NFKB1: variants seen among roughly 807,000 people sequenced by gnomAD.
The protein encoded by NFKB1 is nuclear factor NF-kappa-B p105 subunit.
A neutral mutation model predicts 105.1 loss-of-function variants in NFKB1; 9 were observed. That is an observed-to-expected ratio of 0.09 (90% CI 0.05 to 0.15). The LOEUF (loss-of-function observed/expected upper bound fraction) is 0.15, where lower values mean the gene tolerates loss of function less well. Among genes scored for constraint, NFKB1 ranks in the 10% least tolerant of loss-of-function variants. The pLI is 1.00. For missense variants in NFKB1, 830 were observed against 1,203.7 expected, an observed-to-expected ratio of 0.69 and a Z score of 4.59; for synonymous variants, 440 against 442.2, an observed-to-expected ratio of 1.00 and a Z score of 0.06.
intron 1 of NFKB1, among the ~76,000 whole-genome samples, chr4:102,525,110 T>C (rs538882887): frequency 6.6e-6 from 1 of 152,250 alleles, no homozygotes; most frequent in South Asian, 2.1e-4. Flanking sequence ...TCACAAGGTT[T>C]ATGAAGGGTT....
At chr4:102,558,527 T>G (rs1242689980) in intron 5 of NFKB1, among the ~76,000 whole-genome samples, 1 of 152,194 alleles carries the variant, frequency 6.6e-6, no homozygotes, top group Non-Finnish European at 1.5e-5. Flanking sequence ...CTTCCATAAA[T>G]AACATTTTAT....
chr4:102,510,916 A>T, intron 1 of NFKB1: 1 of 1,284,100 alleles, frequency 7.8e-7, no homozygotes, highest in Non-Finnish European at 1.0e-6. Context: ...AAAAAGACAG[A>T]AGCATATCTT....
intron 1 of NFKB1, among the ~76,000 whole-genome samples, chr4:102,508,520 T>C (rs1436098707): frequency 1.3e-5 from 2 of 152,100 alleles, no homozygotes; most frequent in African/African-American, 4.8e-5. Context: ...ATCTAGGAAA[T>C]AGGAAAAAAA....
intron 1 of NFKB1, among the ~76,000 whole-genome samples, chr4:102,510,592 T>C (rs892035204): frequency 4.6e-5 from 7 of 152,236 alleles, no homozygotes; most frequent in Non-Finnish European, 7.3e-5. Context: ...TATGATAATA[T>C]GAGGAACTGC....
chr4:102,530,285 A>C (rs1741201382), intron 3 of NFKB1, among the ~76,000 whole-genome samples: 1 of 152,098 alleles, frequency 6.6e-6, no homozygotes, highest in African/African-American at 2.4e-5. Flanking sequence ...GTTGTGTACT[A>C]CCAGTGTGCC....
At chr4:102,586,594 A>T (rs1442726710) in intron 11 of NFKB1, among the ~76,000 whole-genome samples, 2 of 152,202 alleles carry the variant, frequency 1.3e-5, no homozygotes, top group Non-Finnish European at 2.9e-5. Flanking sequence ...CTGTGGATAG[A>T]AATGTACTTT....
intron 5 of NFKB1, among the ~76,000 whole-genome samples, chr4:102,554,791 T>C (rs1236820331): frequency 1.3e-5 from 2 of 152,174 alleles, no homozygotes; most frequent in Non-Finnish European, 2.9e-5. Flanking sequence ...GTCTCGCTTC[T>C]GGTTTTACCT....
intron 6 of NFKB1, among the ~76,000 whole-genome samples, chr4:102,575,435 CTAAT>C (rs1724737494): frequency 6.6e-6 from 1 of 152,012 alleles, no homozygotes; most frequent in Non-Finnish European, 1.5e-5. Context: ...CTTTCCTCTA[CTAAT>C]TTTTTTTTTC....
chr4:102,539,249 A>AG (rs1183886351), intron 5 of NFKB1, among the ~76,000 whole-genome samples: 1 of 150,438 alleles, frequency 6.6e-6, no homozygotes, highest in African/African-American at 2.5e-5. Context: ...AAAAAAAAAA[A>AG]AAAAAAAAGA....
intron 5 of NFKB1, among the ~76,000 whole-genome samples, chr4:102,541,852 C>T (rs920033853): frequency 7.2e-5 from 11 of 152,162 alleles, no homozygotes; most frequent in African/African-American, 2.7e-4. Context: ...CTCTCTCCTT[C>T]CAACCTCACA....
At chr4:102,570,692 GACAA>G (rs1251388850) in intron 6 of NFKB1, among the ~76,000 whole-genome samples, 29 of 152,080 alleles carry the variant, frequency 1.9e-4, no homozygotes, top group Admixed American at 1.7e-3. Flanking sequence ...ACCAATAACA[GACAA>G]ACAGAGAGCA....
intron 1 of NFKB1, among the ~76,000 whole-genome samples, chr4:102,510,640 G>T (rs1306821632): frequency 6.6e-6 from 1 of 152,184 alleles, no homozygotes; most frequent in Non-Finnish European, 1.5e-5. Flanking sequence ...TTTGGTCTCA[G>T]TGTAGGTTCT....
chr4:102,504,296 C>G (rs1012583080), intron 1 of NFKB1, among the ~76,000 whole-genome samples: 3 of 152,278 alleles, frequency 2.0e-5, no homozygotes, highest in Non-Finnish European at 2.9e-5. Context: ...ATGCACAGTA[C>G]TGTTGTATAA....
In NFKB1 at chr4:102,606,971, G is replaced by A. The variant is rs4648097; in HGVS notation, c.1955-179G>A. Among the ~76,000 whole-genome samples the A allele has an allele frequency of 9.2e-3, 1,404 of 152,316 alleles. 14 individuals carry two copies. The highest frequency in any genetic ancestry group is 0.02 in the Middle Eastern group (6 of 294). ...GTTTATTCAGAGAATGTTTATTTAT[G>A]TTCATGTCTCCTGAGAACATAATAG... is the stretch of plus-strand genomic sequence containing the variant. On this transcript the variant is annotated intron_variant, in intron 17 of 23. Coordinates refer to ENST00000226574, the MANE Select transcript of NFKB1 (RefSeq NM_003998.4).
chr4:102,529,590 C>G (rs566917519), intron 2 of NFKB1, among the ~76,000 whole-genome samples: 1 of 152,276 alleles, frequency 6.6e-6, no homozygotes, highest in African/African-American at 2.4e-5. Context: ...GACTTTATAG[C>G]CAAGTTATGC....
At chr4:102,579,548 A>T (rs763342679) in intron 8 of NFKB1, among the ~76,000 whole-genome samples, 4 of 151,514 alleles carry the variant, frequency 2.6e-5, no homozygotes, top group Non-Finnish European at 5.9e-5. Flanking sequence ...GTTTGGCGTC[A>T]TGCCCTGTAG....
chr4:102,581,478 CAT>C (rs1298047734), intron 9 of NFKB1, among the ~76,000 whole-genome samples: 2 of 151,952 alleles, frequency 1.3e-5, no homozygotes, highest in African/African-American at 2.4e-5. Flanking sequence ...AAAGTAAACA[CAT>C]ATATACTTTA....
intron 5 of NFKB1, among the ~76,000 whole-genome samples, chr4:102,552,792 A>G (rs1031323623): frequency 4.6e-5 from 7 of 152,320 alleles, no homozygotes; most frequent in African/African-American, 1.7e-4. Flanking sequence ...GCAGGTTTAA[A>G]GTACTACCAT....
At chr4:102,577,717 C>A (rs1413186917) in intron 7 of NFKB1, 2 of 504,554 alleles carry the variant, frequency 4.0e-6, no homozygotes, top group African/African-American at 2.1e-5. Flanking sequence ...TCTTCTGATA[C>A]CCAGACTCAA....
Sources: gnomAD v4.1 joint callset for allele counts (sites outside exome capture counted in the v4.1 genomes callset) on GRCh38, gnomAD v4.1.1 for gene constraint, MANE v1.5 for transcripts, NCBI Gene and HGNC (gene_info 2026-07-23, HGNC 2026-07-21) for gene names.